TFAP2C: variants seen among roughly 807,000 people sequenced by gnomAD.
TFAP2C encodes the protein transcription factor AP-2 gamma, also known as activating enhancer-binding protein 2 gamma.
TFAP2C carries 9 observed loss-of-function variants against 42.9 expected under a neutral mutation model. The observed-to-expected ratio is 0.21, with a 90% CI of 0.13 to 0.37. The LOEUF (loss-of-function observed/expected upper bound fraction) is 0.37, where lower values mean the gene tolerates loss of function less well. Ranked by LOEUF, TFAP2C falls within the 10% of genes least tolerant of loss-of-function variation. The pLI is 1.00. For synonymous variants in TFAP2C, 264 were observed against 256.0 expected, an observed-to-expected ratio of 1.03 and a Z score of -0.30; for missense variants, 462 against 591.7, an observed-to-expected ratio of 0.78 and a Z score of 2.27.
Position 56,638,632 on chromosome 20 carries a change from C to T in TFAP2C, c.*619C>T, listed in dbSNP as rs1265391127. 2.0e-5 allele frequency: 3 copies of T among 148,758 alleles called. No individual in the cohort carries two copies. The highest frequency in any genetic ancestry group is 1.4e-4 in the Admixed American group (2 of 14,804). 9.2% of individuals were successfully genotyped at this position (148,758 alleles called of 1,614,324 possible). ...TCTGGTTTTAGGAAACTTGTAGAAACGAAGCCTGCTGATTGATTTTTTTCT... is the reference window on the plus strand; with the variant it reads ...TCTGGTTTTAGGAAACTTGTAGAAATGAAGCCTGCTGATTGATTTTTTTCT... On this transcript the variant is annotated 3_prime_UTR_variant, in exon 7 of 7. Transcript: ENST00000201031.
rs956652516 is a variant in TFAP2C at position 56,629,861 on chromosome 20, A to C, written c.48+269A>C. On this transcript the variant is annotated intron_variant, in intron 1 of 6. Transcript: ENST00000201031. This position sits in a 1 kb window ranked among gnomAD's most constrained non-coding sequence, Gnocchi z 5.9. The stretch of plus-strand genomic sequence containing the variant: ...CTTACCGGGCGCTTTCCTAAGCGGC[A>C]AACAGCCCTGCTTCCCGTTTTCTCG... 6.6e-6 allele frequency among the ~76,000 whole-genome samples: 1 copy of C among 152,140 alleles called. No individual in the cohort carries two copies. Among genetic ancestry groups the C allele is most frequent in the Admixed American group, 6.5e-5 (1 of 15,286 alleles).
chr20:56,633,123 G>A (rs759763115), intron 3 of TFAP2C, among the ~76,000 whole-genome samples: 3 of 152,010 alleles, frequency 2.0e-5, no homozygotes, highest in Non-Finnish European at 2.9e-5. Context: ...ACTTGAGCCC[G>A]CAAGCTGAGG....
At chr20:56,635,721 A>G (rs1987571336) in intron 5 of TFAP2C, among the ~76,000 whole-genome samples, 1 of 152,172 alleles carries the variant, frequency 6.6e-6, no homozygotes, top group African/African-American at 2.4e-5. Flanking sequence ...TGAGCAGAGG[A>G]CTGGTAAACA....
In TFAP2C at chr20:56,630,484, GTTC is replaced by G; in HGVS notation, c.49-717_49-715del. 2.7e-6 allele frequency: 1 copy of G among 363,960 alleles called. No individual in the cohort carries two copies. Among genetic ancestry groups the G allele is most frequent in the Admixed American group, 3.5e-5 (1 of 28,300 alleles). The allele number at this position is 363,960 out of a possible 1,614,324, so 22.5% of individuals were successfully genotyped here. On this transcript the variant is annotated intron_variant, in intron 1 of 6. Coordinates refer to ENST00000201031, the MANE Select transcript of TFAP2C (RefSeq NM_003222.4). The surrounding 1 kb of genome is among the most constrained non-coding windows in gnomAD (Gnocchi z 5.1). Reference sequence around the variant, plus strand: ...CGGGCAAGGCTGCCCAATTTCCAGGGTTCTTCATGCCCCCTCTGCGCCCCGACG... The same window carrying G: ...CGGGCAAGGCTGCCCAATTTCCAGGGTTCATGCCCCCTCTGCGCCCCGACG...
Position 56,630,628 on chromosome 20 carries a change from C to A in TFAP2C, c.49-577C>A. ...CGCGCTCCCTCTTCACTTCCCAGGG[C>A]GGCGCAGGGTGGCGGGCCCTGCTTT... On this transcript the variant is annotated intron_variant, in intron 1 of 6. Transcript: ENST00000201031. This position sits in a 1 kb window ranked among gnomAD's most constrained non-coding sequence, Gnocchi z 5.1. 5.3e-6 allele frequency: 5 copies of A among 941,372 alleles called. No homozygotes were observed. Among genetic ancestry groups the A allele is most frequent in the Non-Finnish European group, 6.3e-6 (5 of 789,654 alleles). The allele number at this position is 941,372 out of a possible 1,614,324, so 58.3% of individuals were successfully genotyped here.
Position 56,631,824 on chromosome 20 carries a change from T to C in TFAP2C, c.554T>C (p.Leu185Pro). The change falls in exon 3 of 7, where the codon CTG becomes CCG. Residue 185 changes from leucine to proline, a missense_variant. By Grantham distance (98) the Leu-to-Pro change is moderately conservative. Around this residue, in one of 5 missense-constraint regions of TFAP2C, gnomAD observed 271 missense variants for 269.7 expected, o/e 1.00. Coordinates refer to ENST00000201031, the MANE Select transcript of TFAP2C (RefSeq NM_003222.4). The surrounding 1 kb of genome is among the most constrained non-coding windows in gnomAD (Gnocchi z 6.1). ...CCCCAGAATGTCGACGACCAGCACC[T>C]GTTGCTGCACGATCAGACAGTCATT... ...DEVQNVDDQH[L>P]LLHDQTVIRK... 2 of 1,614,198 alleles carry C rather than the reference T, an allele frequency of 1.2e-6. No individual in the cohort carries two copies. Among genetic ancestry groups the C allele is most frequent in the Non-Finnish European group, 1.7e-6 (2 of 1,180,026 alleles).
At position 56,638,633 on chromosome 20, in the gene TFAP2C, G is replaced by A. The variant is rs1036802132; in HGVS notation, c.*620G>A. 5 of 149,418 alleles carry A rather than the reference G, an allele frequency of 3.3e-5. No individual in the cohort carries two copies. Among genetic ancestry groups the A allele is most frequent in the Non-Finnish European group, 5.9e-5 (4 of 67,574 alleles). 9.3% of individuals were successfully genotyped at this position (149,418 alleles called of 1,614,324 possible). ...CTGGTTTTAGGAAACTTGTAGAAAC[G>A]AAGCCTGCTGATTGATTTTTTTCTC... On this transcript the variant is annotated 3_prime_UTR_variant, in exon 7 of 7. Coordinates refer to ENST00000201031, the MANE Select transcript of TFAP2C (RefSeq NM_003222.4).
chr20:56,631,256 T>G lies in TFAP2C; in HGVS notation c.100T>G (p.Ser34Ala). 1 of 1,580,876 alleles carries G rather than the reference T, an allele frequency of 6.3e-7. No homozygotes were observed. Among genetic ancestry groups the G allele is most frequent in the East Asian group, 2.4e-5 (1 of 41,448 alleles). Residue 34 changes from serine (S) to alanine (A), a missense_variant, in exon 2 of 7, where the codon TCC becomes GCC. By Grantham distance (99) the Ser-to-Ala change is moderately conservative. Around this residue, in one of 5 missense-constraint regions of TFAP2C, gnomAD observed 271 missense variants for 269.7 expected, o/e 1.00. Transcript: ENST00000201031. This position sits in a 1 kb window ranked among gnomAD's most constrained non-coding sequence, Gnocchi z 6.1. The part of the protein sequence containing the change: ...NGNPRVPHLS[S>A]AGQHLYSPAP... ...GAATCCGCGGGTCCCCCACCTCTCCTCCGCCGGGCAGCACCTCTACAGCCC... is the reference window on the plus strand; with the variant it reads ...GAATCCGCGGGTCCCCCACCTCTCCGCCGCCGGGCAGCACCTCTACAGCCC...
rs1247632694 is a variant in TFAP2C at position 56,631,609 on chromosome 20, C to G, written c.453C>G (p.Pro151=). Residue 151 remains proline, a synonymous_variant, in exon 2 of 7, where the codon CCC becomes CCG. Transcript: ENST00000201031. The surrounding 1 kb of genome is among the most constrained non-coding windows in gnomAD (Gnocchi z 6.1). ...ACCGCCGCTCCGACCTGCTGCTGCC[C>G]CACGCACACGCCCTGGATGCCGCGG... ...DAYRRSDLLL[P]HAHALDAAGL... 2 of 1,565,148 alleles carry G rather than the reference C, an allele frequency of 1.3e-6. No homozygotes were observed. Among genetic ancestry groups the G allele is most frequent in the African/African-American group, 1.4e-5 (1 of 73,700 alleles).
Position 56,638,101 on chromosome 20 carries a change from G to T in TFAP2C, c.*88G>T. Reference sequence around the variant, plus strand: ...CCGCACAGACTGGGAACCCCTCCTGGCCTGGGGGAAGAGTTTGTTACCTAC... The same window carrying T: ...CCGCACAGACTGGGAACCCCTCCTGTCCTGGGGGAAGAGTTTGTTACCTAC... On this transcript the variant is annotated 3_prime_UTR_variant, in exon 7 of 7. Coordinates refer to ENST00000201031, the MANE Select transcript of TFAP2C (RefSeq NM_003222.4). The T allele has an allele frequency of 7.9e-7, 1 of 1,258,986 alleles. No homozygotes were observed. 78.0% of individuals were successfully genotyped at this position (1,258,986 alleles called of 1,614,324 possible).
At chr20:56,636,855 T>G in intron 6 of TFAP2C, 101 bp downstream of exon 6, 2 of 1,397,284 alleles carry the variant, frequency 1.4e-6, no homozygotes, top group Non-Finnish European at 1.9e-6. Context: ...AAAGAAATAT[T>G]CTTGAAATAA....
At position 56,639,144 on chromosome 20, in the gene TFAP2C, A is replaced by G. The variant is rs1568754262; in HGVS notation, c.*1131A>G. On this transcript the variant is annotated 3_prime_UTR_variant, in exon 7 of 7. Transcript: ENST00000201031. ...CTTTGTCTCGTTCCTGTTGGGCTGAACCCTAAGGTGAGTGTGCAGTACAGT... is the reference window on the plus strand; with the variant it reads ...CTTTGTCTCGTTCCTGTTGGGCTGAGCCCTAAGGTGAGTGTGCAGTACAGT... 1 of 152,512 alleles carries G rather than the reference A, an allele frequency of 6.6e-6. No homozygotes were observed. The highest frequency in any genetic ancestry group is 1.5e-5 in the Non-Finnish European group (1 of 68,026). The allele number at this position is 152,512 out of a possible 1,614,324, so 9.4% of individuals were successfully genotyped here. A position where few individuals can be genotyped will look rare whatever the true frequency, so the allele number is the denominator to read the frequency against.
In TFAP2C at chr20:56,637,630, C is replaced by T. The variant is rs952130053; in HGVS notation, c.1068-98C>T. 73 of 1,190,006 alleles carry T rather than the reference C, an allele frequency of 6.1e-5. No homozygotes were observed. The African/African-American group carries it at 9.8e-4, about 16-fold the overall frequency. The allele number at this position is 1,190,006 out of a possible 1,614,324, so 73.7% of individuals were successfully genotyped here. The stretch of plus-strand genomic sequence containing the variant: ...CCTTCCTCGGGTTGAAGCAGTTGTG[C>T]TTGCCTCCCGGGCGCCAGCCTCAGT... On this transcript the variant is annotated intron_variant, in intron 6 of 6. Coordinates refer to ENST00000201031, the MANE Select transcript of TFAP2C (RefSeq NM_003222.4).
chr20:56,638,659 C>CTTTTTTTTTTTTTTT lies in TFAP2C; in HGVS notation c.*653_*667dup, dbSNP rs34794327. 1 of 124,574 alleles carries CTTTTTTTTTTTTTTT rather than the reference C, an allele frequency of 8.0e-6. No individual in the cohort carries two copies. Among genetic ancestry groups the CTTTTTTTTTTTTTTT allele is most frequent in the African/African-American group, 3.0e-5 (1 of 33,738 alleles). The allele number at this position is 124,574 out of a possible 1,614,324, so 7.7% of individuals were successfully genotyped here. On this transcript the variant is annotated 3_prime_UTR_variant, in exon 7 of 7. Coordinates refer to ENST00000201031, the MANE Select transcript of TFAP2C (RefSeq NM_003222.4). The stretch of plus-strand genomic sequence containing the variant: ...AAGCCTGCTGATTGATTTTTTTCTC[C>CTTTTTTTTTTTTTTT]TTTTTTTTTTTTTTTTTTTTTAACT...
Position 56,631,217 on chromosome 20 carries a change from G to A in TFAP2C, c.61G>A (p.Gly21Arg). ...YEEDCEDRHD[G>R]SSNGNPRVPH... ...TTTTTCCCTCCAGGATCGCCACGAC[G>A]GGAGCAGCAATGGGAATCCGCGGGT... The change falls in exon 2 of 7, where the codon GGG becomes AGG. Residue 21 changes from glycine to arginine, a missense_variant. Gly to Arg is a moderately radical substitution (Grantham distance 125). Around this residue, in one of 5 missense-constraint regions of TFAP2C, gnomAD observed 271 missense variants for 269.7 expected, o/e 1.00. Coordinates refer to ENST00000201031, the MANE Select transcript of TFAP2C (RefSeq NM_003222.4). The surrounding 1 kb of genome is among the most constrained non-coding windows in gnomAD (Gnocchi z 6.1). The A allele has an allele frequency of 6.5e-7, 1 of 1,530,870 alleles. No individual in the cohort carries two copies. The allele number at this position is 1,530,870 out of a possible 1,614,324, so 94.8% of individuals were successfully genotyped here.
intron 3 of TFAP2C, among the ~76,000 whole-genome samples, 159 bp downstream of exon 3, chr20:56,632,015 G>A (rs996753915): frequency 2.0e-5 from 3 of 152,130 alleles, no homozygotes; most frequent in African/African-American, 7.2e-5. Flanking sequence ...TGACAGAAAG[G>A]GATTTCCCTC....
rs199651063 is a variant in TFAP2C at position 56,629,526 on chromosome 20, T to C, written c.-19T>C. ...ATCCTGGATTTAACTGGCGACTGTT[T>C]TGGGGGACGCCGGACGCCATGTTGT... is the stretch of plus-strand genomic sequence containing the variant. On this transcript the variant is annotated 5_prime_UTR_variant, in exon 1 of 7. Transcript: ENST00000201031. The surrounding 1 kb of genome is among the most constrained non-coding windows in gnomAD (Gnocchi z 5.9). 4.0e-4 allele frequency: 567 copies of C among 1,417,246 alleles called. 1 individual carries two copies. The highest frequency in any genetic ancestry group is 5.0e-4 in the Non-Finnish European group (537 of 1,082,752). The allele number at this position is 1,417,246 out of a possible 1,614,324, so 87.8% of individuals were successfully genotyped here.
intron 3 of TFAP2C, 103 bp from the exon 4 acceptor site, chr20:56,633,250 T>A (rs1987528422): frequency 2.4e-6 from 2 of 849,626 alleles, no homozygotes; most frequent in Admixed American, 2.4e-5. Flanking sequence ...TGTGCAATGA[T>A]GCTTGTCTAA....
chr20:56,635,511 TA>T, intron 5 of TFAP2C, among the ~76,000 whole-genome samples: 1 of 152,194 alleles, frequency 6.6e-6, no homozygotes, highest in Admixed American at 6.5e-5. Context: ...CCATCTTTTT[TA>T]AAAGAAACAT....
Sources: gnomAD v4.1 joint callset for allele counts (sites outside exome capture counted in the v4.1 genomes callset) on GRCh38, gnomAD v4.1.1 for gene constraint, gnomAD v4.1.1 regional missense constraint, Gnocchi (gnomAD v3.1) non-coding constraint, MANE v1.5 for transcripts, NCBI Gene and HGNC (gene_info 2026-07-23, HGNC 2026-07-21) for gene names.